Variants in ATAD2B observed in about 807,000 individuals in gnomAD.
ATAD2B encodes ATPase family AAA domain-containing protein 2B.
In ATAD2B, 40 loss-of-function variants were observed where a neutral mutation model predicts 167.6. That is an observed-to-expected ratio of 0.24 (90% confidence interval 0.19 to 0.31). The LOEUF is 0.31. Among genes scored for constraint, ATAD2B ranks in the 10% least tolerant of loss-of-function variants. The probability of loss-of-function intolerance (pLI) is 1.00; values close to 1 mark genes in which losing one functional copy is unlikely to be tolerated. For synonymous variants in ATAD2B, 579 were observed against 596.5 expected (o/e 0.97, Z 0.43); for missense variants, 1,242 against 1,757.2 (o/e 0.71, Z 5.24).
intron 4 of ATAD2B, among the ~76,000 whole-genome samples, chr2:23,886,120 T>G (rs1055602300): frequency 7.9e-5 from 12 of 152,002 alleles, no homozygotes; most frequent in African/African-American, 2.7e-4. Flanking sequence ...AACTTTTATA[T>G]TTTTTTGTGG....
intron 7 of ATAD2B, among the ~76,000 whole-genome samples, chr2:23,879,954 A>G (rs886112012): frequency 6.6e-6 from 1 of 151,810 alleles, no homozygotes; most frequent in African/African-American, 2.4e-5. Flanking sequence ...GCTACTCAGG[A>G]GGCTGAGGCA....
chr2:23,697,877 C>CAAT, the ATAD2B span: 1 of 152,178 alleles, frequency 6.6e-6, no homozygotes, highest in East Asian at 1.9e-4. Flanking sequence ...ATTTGTCATC[C>CAAT]AATAATAAAC....
rs1675193848 is a variant in ATAD2B at position 23,750,125 on chromosome 2, G to A, written c.*1921C>T. The A allele has an allele frequency of 6.6e-6, 1 of 151,980 alleles. No homozygotes were observed. Among genetic ancestry groups the A allele is most frequent in the Non-Finnish European group, 1.5e-5 (1 of 67,948 alleles). The allele number at this position is 151,980 out of a possible 1,614,324, so 9.4% of individuals were successfully genotyped here. On this transcript the variant is annotated 3_prime_UTR_variant, in exon 28 of 28. Transcript: ENST00000238789. ...CGGTATGATGGTAATAAATACTAAA[G>A]AAAGCATGAAAATCCTCCCAATAAT...
chr2:23,881,264 T>C (rs900588893), intron 6 of ATAD2B, among the ~76,000 whole-genome samples: 1 of 152,200 alleles, frequency 6.6e-6, no homozygotes, highest in African/African-American at 2.4e-5. Context: ...ATTAGTTACA[T>C]TTTGGTAGCA....
At chr2:23,898,530 T>C (rs1484883203) in intron 1 of ATAD2B, among the ~76,000 whole-genome samples, 4 of 152,212 alleles carry the variant, frequency 2.6e-5, no homozygotes, top group East Asian at 3.8e-4. Flanking sequence ...CTTCCTAAAA[T>C]GTATACAATG....
At chr2:23,762,135 G>A in intron 24 of ATAD2B, 74 bp downstream of exon 24, 1 of 1,484,952 alleles carries the variant, frequency 6.7e-7, no homozygotes, top group Non-Finnish European at 9.1e-7. Context: ...ACTTTGTTTT[G>A]TACCCAATTC....
At chr2:23,692,384 G>A in the ATAD2B span, among the ~76,000 whole-genome samples, 16 of 152,236 alleles carry the variant, frequency 1.1e-4, no homozygotes, top group Non-Finnish European at 1.9e-4. Context: ...CGGGGGGGTC[G>A]CTGACCCGAA....
At chr2:23,845,381 T>TG (rs1691596504) in intron 13 of ATAD2B, among the ~76,000 whole-genome samples, 1 of 152,024 alleles carries the variant, frequency 6.6e-6, no homozygotes, top group South Asian at 2.1e-4. Context: ...AACAAAATAC[T>TG]GACCCATATT....
the ATAD2B span, among the ~76,000 whole-genome samples, chr2:23,699,680 G>A: frequency 4.6e-5 from 7 of 152,112 alleles, no homozygotes; most frequent in Admixed American, 2.6e-4. Flanking sequence ...CAACCCAACC[G>A]TTTGCCTTCT....
At chr2:23,881,787 G>A (rs911952246) in intron 6 of ATAD2B, among the ~76,000 whole-genome samples, 10 of 151,130 alleles carry the variant, frequency 6.6e-5, no homozygotes, top group East Asian at 2.0e-4. Flanking sequence ...GCAATGGCGC[G>A]ATCTCAGCTC....
At chr2:23,769,153 G>A (rs1461864607) in intron 22 of ATAD2B, among the ~76,000 whole-genome samples, 1 of 152,098 alleles carries the variant, frequency 6.6e-6, no homozygotes, top group Non-Finnish European at 1.5e-5. Context: ...TATAAAATGA[G>A]GTAGTGGCCG....
chr2:23,779,723 T>C (rs751703556), intron 22 of ATAD2B, among the ~76,000 whole-genome samples: 1 of 152,160 alleles, frequency 6.6e-6, no homozygotes, highest in Non-Finnish European at 1.5e-5. Flanking sequence ...CTACATATGA[T>C]TAAAATAATG....
intron 19 of ATAD2B, among the ~76,000 whole-genome samples, chr2:23,793,028 A>G (rs1682056236): frequency 6.6e-6 from 1 of 150,900 alleles, no homozygotes; most frequent in Admixed American, 6.6e-5. Flanking sequence ...TTTAAGAATC[A>G]CGTAATTGTT....
chr2:23,877,717 C>G (rs565781241), intron 7 of ATAD2B, among the ~76,000 whole-genome samples: 98 of 150,080 alleles, frequency 6.5e-4, no homozygotes, highest in Non-Finnish European at 9.0e-4. Context: ...AATAAAAATA[C>G]AAAAATTAGC....
At chr2:23,702,890 G>C in the ATAD2B span, among the ~76,000 whole-genome samples, 3 of 142,406 alleles carry the variant, frequency 2.1e-5, no homozygotes, top group East Asian at 5.8e-4. Context: ...GAGCTGGATA[G>C]AGAGGAGGGG....
the ATAD2B span, among the ~76,000 whole-genome samples, chr2:23,681,855 T>TA: frequency 1.3e-5 from 2 of 152,298 alleles, no homozygotes; most frequent in Non-Finnish European, 1.5e-5. This position sits in a 1 kb window ranked among gnomAD's most constrained non-coding sequence, Gnocchi z 4.2. Context: ...TTTCTGGAGA[T>TA]ACGTGTGAGC....
intron 22 of ATAD2B, among the ~76,000 whole-genome samples, chr2:23,766,677 C>G (rs1677456949): frequency 1.3e-5 from 2 of 152,146 alleles, no homozygotes; most frequent in South Asian, 2.1e-4. Flanking sequence ...CTTTCAAGGA[C>G]TTTTTCAGAC....
At chr2:23,924,253 A>G (rs1704390349) in intron 1 of ATAD2B, among the ~76,000 whole-genome samples, 1 of 152,228 alleles carries the variant, frequency 6.6e-6, no homozygotes, top group South Asian at 2.1e-4. Flanking sequence ...AAACAGGAAT[A>G]TTATGTTACA....
At chr2:23,803,311 T>TGTAC (rs1397366280) in intron 18 of ATAD2B, among the ~76,000 whole-genome samples, 6 of 140,210 alleles carry the variant, frequency 4.3e-5, no homozygotes, top group Non-Finnish European at 9.6e-5. Flanking sequence ...AACATATGTG[T>TGTAC]GTACACACAC....
Sources: allele counts gnomAD v4.1 joint callset (sites outside exome capture counted in the v4.1 genomes callset), GRCh38; gene constraint gnomAD v4.1.1; non-coding constraint Gnocchi (gnomAD v3.1); transcripts MANE v1.5; gene names NCBI Gene and HGNC (gene_info 2026-07-23, HGNC 2026-07-21).